RXFP1: variants seen among roughly 807,000 people sequenced by gnomAD.
RXFP1 encodes relaxin family peptide receptor 1.
RXFP1 carries 73 observed loss-of-function variants against 89.8 expected under a neutral mutation model. The ratio of observed to expected loss-of-function variants is 0.81; its 90% confidence interval spans 0.67 to 0.99. The LOEUF is 0.99. RXFP1 is among the 50% of genes least tolerant of loss of function. RXFP1 has a pLI of 0.00. For missense variants in RXFP1, 793 were observed against 895.5 expected, an observed-to-expected ratio of 0.89 and a Z score of 1.46; for synonymous variants, 277 against 305.5, an observed-to-expected ratio of 0.91 and a Z score of 0.97.
intron 1 of RXFP1, among the ~76,000 whole-genome samples, chr4:158,538,009 C>A (rs895215789): frequency 2.0e-5 from 3 of 152,146 alleles, no homozygotes; most frequent in Non-Finnish European, 4.4e-5. Flanking sequence ...ATAGGTGGAA[C>A]AGCCAACTCA....
Position 158,652,706 on chromosome 4 carries a change from T to G in RXFP1, c.*651T>G, listed in dbSNP as rs982028379. On this transcript the variant is annotated 3_prime_UTR_variant, in exon 18 of 18. Coordinates refer to ENST00000307765, the MANE Select transcript of RXFP1 (RefSeq NM_021634.4). ...AAACAGCACTTCTTTTGGCACTTCC[T>G]GCCCAGTTTTCTCTTTGCTTTAAAT... 1.3e-5 allele frequency: 2 copies of G among 152,258 alleles called. No individual in the cohort carries two copies. Among genetic ancestry groups the G allele is most frequent in the Non-Finnish European group, 2.9e-5 (2 of 68,056 alleles). 9.4% of individuals were successfully genotyped at this position (152,258 alleles called of 1,614,324 possible).
intron 1 of RXFP1, 125 bp from the exon 2 acceptor site, chr4:158,572,573 A>AAC: frequency 2.4e-6 from 2 of 833,850 alleles, no homozygotes; most frequent in Admixed American, 4.1e-5. Flanking sequence ...AACTGGCATC[A>AAC]GGGTTGTATG....
chr4:158,605,616 A>G (rs1451768395), intron 5 of RXFP1, among the ~76,000 whole-genome samples: 1 of 152,190 alleles, frequency 6.6e-6, no homozygotes, highest in Non-Finnish European at 1.5e-5. Flanking sequence ...TGGAGACTTG[A>G]TTCCATTTTC....
chr4:158,623,920 C>G (rs1418076846), intron 9 of RXFP1, among the ~76,000 whole-genome samples: 1 of 152,102 alleles, frequency 6.6e-6, no homozygotes, highest in Non-Finnish European at 1.5e-5. Flanking sequence ...ATGAAAGATC[C>G]TGGGTTTCTA....
chr4:158,628,542 T>C (rs919097082), intron 10 of RXFP1, 96 bp from the exon 11 acceptor site: 3 of 555,162 alleles, frequency 5.4e-6, no homozygotes, highest in African/African-American at 1.9e-5. Flanking sequence ...ATGTACTGTA[T>C]ATTCATTATC....
At chr4:158,533,723 A>T (rs1372118979) in intron 1 of RXFP1, among the ~76,000 whole-genome samples, 2 of 151,896 alleles carry the variant, frequency 1.3e-5, no homozygotes, top group African/African-American at 4.8e-5. Flanking sequence ...AAAATTCTGT[A>T]CTCTTTCTGA....
chr4:158,609,540 G>A (rs535897493), intron 6 of RXFP1, among the ~76,000 whole-genome samples: 2 of 152,290 alleles, frequency 1.3e-5, no homozygotes, highest in Admixed American at 1.3e-4. Flanking sequence ...ATGTCCCCTT[G>A]TTTTCCACCT....
At chr4:158,593,028 C>T (rs1759814615) in intron 2 of RXFP1, among the ~76,000 whole-genome samples, 1 of 150,228 alleles carries the variant, frequency 6.7e-6, no homozygotes, top group Non-Finnish European at 1.5e-5. Context: ...GTGGAGGTTG[C>T]AGTGAGCTGA....
chr4:158,528,453 CCAAGATGGTGCACTGCA>C lies in RXFP1; in HGVS notation c.49+6430_49+6446del, dbSNP rs1237515877. Among the ~76,000 whole-genome samples the C allele has an allele frequency of 2.0e-5, 3 of 152,066 alleles. No individual in the cohort carries two copies. The East Asian group carries it at 5.8e-4, about 29-fold the overall frequency. On this transcript the variant is annotated intron_variant, in intron 1 of 17. Transcript: ENST00000307765. ...CCTGGGAGGCAGAGATTGCAGTGAG[CCAAGATGGTGCACTGCA>C]CTCCAGCCTAGGCAACAGAGCAAGA...
chr4:158,591,777 A>T (rs959094804), intron 2 of RXFP1, among the ~76,000 whole-genome samples: 57 of 152,298 alleles, frequency 3.7e-4, no homozygotes, highest in African/African-American at 1.3e-3. Context: ...TAAAAATTTT[A>T]AAAGAAATCA....
intron 9 of RXFP1, among the ~76,000 whole-genome samples, chr4:158,621,340 A>G (rs1021876052): frequency 6.6e-6 from 1 of 152,160 alleles, no homozygotes; most frequent in African/African-American, 2.4e-5. Flanking sequence ...GGACAAATCC[A>G]TAGATTAGAT....
At chr4:158,637,927 G>T in intron 12 of RXFP1, 81 bp from the exon 13 acceptor site, 1 of 836,246 alleles carries the variant, frequency 1.2e-6, no homozygotes, top group South Asian at 1.5e-5. Context: ...ATATGTTAAA[G>T]TAACCCAAAA....
intron 2 of RXFP1, among the ~76,000 whole-genome samples, chr4:158,579,260 C>T (rs996609869): frequency 2.0e-5 from 3 of 151,930 alleles, no homozygotes; most frequent in African/African-American, 7.3e-5. Flanking sequence ...AGAGAACAAA[C>T]TTCTCTTGTT....
chr4:158,607,278 C>T, intron 5 of RXFP1: 1 of 635,452 alleles, frequency 1.6e-6, no homozygotes, highest in Admixed American at 2.6e-5. Flanking sequence ...GCATTCTTGT[C>T]TTGACATTCC....
Position 158,592,622 on chromosome 4 carries a change from G to C in RXFP1, c.188-779G>C, listed in dbSNP as rs563139231. 8.5e-5 allele frequency among the ~76,000 whole-genome samples: 13 copies of C among 152,264 alleles called. No individual in the cohort carries two copies. The East Asian group carries it at 2.5e-3, about 29-fold the overall frequency. On this transcript the variant is annotated intron_variant, in intron 2 of 17. Transcript: ENST00000307765. ...ATAAAAAAAGTTAATAATCATGGCTGTCTAGCCATGTTTATACATCTCCAA... is the reference window on the plus strand; with the variant it reads ...ATAAAAAAAGTTAATAATCATGGCTCTCTAGCCATGTTTATACATCTCCAA...
chr4:158,634,573 G>T (rs1768767974), intron 12 of RXFP1, among the ~76,000 whole-genome samples: 1 of 151,852 alleles, frequency 6.6e-6, no homozygotes, highest in Non-Finnish European at 1.5e-5. Flanking sequence ...TATGCTTTTG[G>T]TGTCATATCC....
intron 10 of RXFP1, among the ~76,000 whole-genome samples, chr4:158,628,300 T>G (rs1767318066): frequency 6.6e-6 from 1 of 152,214 alleles, no homozygotes; most frequent in Non-Finnish European, 1.5e-5. Context: ...ACAGTCATGC[T>G]ATGCAGACTG....
At chr4:158,640,405 G>A (rs1770135901) in intron 14 of RXFP1, among the ~76,000 whole-genome samples, 2 of 152,186 alleles carry the variant, frequency 1.3e-5, no homozygotes, top group African/African-American at 4.8e-5. Context: ...TCTGTAAGTT[G>A]TAAGAGAAGC....
intron 9 of RXFP1, among the ~76,000 whole-genome samples, chr4:158,619,589 A>G (rs1427281975): frequency 6.6e-6 from 1 of 152,182 alleles, no homozygotes; most frequent in Non-Finnish European, 1.5e-5. Flanking sequence ...TTTTTCACTG[A>G]TCTCCACCAA....
Sources: allele counts gnomAD v4.1 joint callset (sites outside exome capture counted in the v4.1 genomes callset), GRCh38; gene constraint gnomAD v4.1.1; transcripts MANE v1.5; gene names NCBI Gene and HGNC (gene_info 2026-07-23, HGNC 2026-07-21).